The following CSGALNACT1 variants were observed in gnomAD, a reference collection of about 807,000 sequenced individuals.
CSGALNACT1 encodes the protein chondroitin sulfate N-acetylgalactosaminyltransferase 1.
In CSGALNACT1, 52 loss-of-function variants were observed where a neutral mutation model predicts 51.0. The observed-to-expected ratio is 1.02, with a 90% CI of 0.82 to 1.29. The LOEUF is 1.29. Ranked by LOEUF, CSGALNACT1 falls within the 50% of genes most tolerant of loss-of-function variation. The pLI, the probability that CSGALNACT1 is intolerant of heterozygous loss-of-function variation, is 0.00. For synonymous variants in CSGALNACT1, 341 were observed against 254.4 expected (o/e 1.34, Z -3.24); for missense variants, 935 against 679.2 (o/e 1.38, Z -4.19).
chr8:19,693,733 C>G (rs1210551481), intron 1 of CSGALNACT1, among the ~76,000 whole-genome samples: 1 of 152,108 alleles, frequency 6.6e-6, no homozygotes, highest in Non-Finnish European at 1.5e-5. Context: ...CAAGCCCTGA[C>G]CACCCACACT....
At chr8:19,558,237 A>G (rs1193844713) in intron 3 of CSGALNACT1, among the ~76,000 whole-genome samples, 1 of 152,200 alleles carries the variant, frequency 6.6e-6, no homozygotes, top group Non-Finnish European at 1.5e-5. Context: ...ACCTTTTGGC[A>G]CACTTTTACA....
intron 1 of CSGALNACT1, among the ~76,000 whole-genome samples, chr8:19,676,146 A>G (rs974836219): frequency 1.3e-5 from 2 of 151,384 alleles, no homozygotes. Context: ...TTTACACAAG[A>G]TAACATTCAC....
At chr8:19,534,101 G>C (rs1314382584) in intron 3 of CSGALNACT1, among the ~76,000 whole-genome samples, 5 of 152,070 alleles carry the variant, frequency 3.3e-5, no homozygotes, top group Non-Finnish European at 7.4e-5. Context: ...GTGACAAATA[G>C]TATAAAGTTT....
intron 3 of CSGALNACT1, among the ~76,000 whole-genome samples, chr8:19,560,260 A>T (rs1264545475): frequency 6.6e-6 from 1 of 152,230 alleles, no homozygotes; most frequent in African/African-American, 2.4e-5. Flanking sequence ...CTTTAAGCTT[A>T]AAGACTGCAA....
intron 1 of CSGALNACT1, among the ~76,000 whole-genome samples, chr8:19,681,781 C>A (rs546277544): frequency 4.1e-4 from 62 of 152,302 alleles, no homozygotes; most frequent in African/African-American, 1.4e-3. Context: ...TGGGCCCGTG[C>A]CCTGAGCACC....
At chr8:19,645,481 C>A (rs151020124) in intron 1 of CSGALNACT1, among the ~76,000 whole-genome samples, 15 of 152,340 alleles carry the variant, frequency 9.8e-5, no homozygotes, top group African/African-American at 3.1e-4. Context: ...CAGCCACTTA[C>A]AAGCTGTGTG....
At chr8:19,559,536 T>C (rs114759270) in intron 3 of CSGALNACT1, among the ~76,000 whole-genome samples, 2,057 of 152,312 alleles carry the variant, frequency 0.014, 47 homozygotes, top group South Asian at 0.061. Flanking sequence ...GAAACAACTG[T>C]CGTTATTCAG....
intron 1 of CSGALNACT1, among the ~76,000 whole-genome samples, chr8:19,677,187 C>G: frequency 6.6e-6 from 1 of 152,212 alleles, no homozygotes; most frequent in South Asian, 2.1e-4. Flanking sequence ...CTACTCACTG[C>G]AGCCTTGAGT....
chr8:19,462,353 T>C (rs2153827369), intron 4 of CSGALNACT1, among the ~76,000 whole-genome samples: 1 of 152,046 alleles, frequency 6.6e-6, no homozygotes, highest in South Asian at 2.1e-4. Flanking sequence ...TGATTTTTTT[T>C]TCCCAATGAA....
At chr8:19,587,448 C>T (rs751597620) in intron 3 of CSGALNACT1, among the ~76,000 whole-genome samples, 2 of 152,154 alleles carry the variant, frequency 1.3e-5, no homozygotes, top group Non-Finnish European at 2.9e-5. Flanking sequence ...CCCACCCTCC[C>T]CCACCTAGGA....
chr8:19,560,703 A>C (rs1411426718), intron 3 of CSGALNACT1, among the ~76,000 whole-genome samples: 2 of 152,240 alleles, frequency 1.3e-5, no homozygotes. Flanking sequence ...GCAACAAAAC[A>C]AAGTATGACA....
At chr8:19,468,742 G>A (rs535768629) in intron 4 of CSGALNACT1, among the ~76,000 whole-genome samples, 4 of 152,166 alleles carry the variant, frequency 2.6e-5, no homozygotes, top group African/African-American at 7.2e-5. Context: ...TATGAGCTAA[G>A]CTTTGGACGG....
chr8:19,645,979 G>C (rs1002580854), intron 1 of CSGALNACT1, among the ~76,000 whole-genome samples: 1 of 152,102 alleles, frequency 6.6e-6, no homozygotes, highest in Non-Finnish European at 1.5e-5. Context: ...TCCAAAGAGA[G>C]GGAAAAGCAT....
intron 3 of CSGALNACT1, among the ~76,000 whole-genome samples, chr8:19,514,809 G>A (rs2079206630): frequency 6.6e-6 from 1 of 151,618 alleles, no homozygotes; most frequent in African/African-American, 2.4e-5. Context: ...CTCCAGCCTG[G>A]GGGACAGAGT....
intron 1 of CSGALNACT1, among the ~76,000 whole-genome samples, chr8:19,649,136 T>C (rs532326609): frequency 1.2e-4 from 19 of 152,244 alleles, no homozygotes; most frequent in Non-Finnish European, 2.4e-4. Flanking sequence ...TTATTTCGTT[T>C]GTTCCTCTCA....
intron 1 of CSGALNACT1, among the ~76,000 whole-genome samples, chr8:19,738,239 T>A (rs929350614): frequency 2.6e-5 from 4 of 152,102 alleles, no homozygotes; most frequent in African/African-American, 9.7e-5. Flanking sequence ...GAAAAACATA[T>A]TTTTCCTAAT....
intron 1 of CSGALNACT1, among the ~76,000 whole-genome samples, chr8:19,736,772 G>A (rs186306667): frequency 4.7e-4 from 71 of 152,096 alleles, no homozygotes; most frequent in Non-Finnish European, 3.1e-4. Context: ...GAACAGAGAG[G>A]AACTCTACAG....
chr8:19,615,374 A>G (rs1028347240), intron 1 of CSGALNACT1, among the ~76,000 whole-genome samples: 4 of 152,236 alleles, frequency 2.6e-5, no homozygotes, highest in Non-Finnish European at 5.9e-5. Flanking sequence ...CTGGGAGGAC[A>G]GACACTTATT....
chr8:19,586,929 A>G (rs1378995035), intron 3 of CSGALNACT1, among the ~76,000 whole-genome samples: 1 of 152,336 alleles, frequency 6.6e-6, no homozygotes, highest in Admixed American at 6.5e-5. Context: ...TTTGAAAAAT[A>G]TCTCACAACT....
Sources: allele counts gnomAD v4.1 joint callset (sites outside exome capture counted in the v4.1 genomes callset), GRCh38; gene constraint gnomAD v4.1.1; transcripts MANE v1.5; gene names NCBI Gene and HGNC (gene_info 2026-07-23, HGNC 2026-07-21).